ZNF91: variants seen among roughly 807,000 people sequenced by gnomAD.
The protein encoded by ZNF91 is zinc finger protein 91, also known as zinc finger protein 91 (HPF7, HTF10).
Under a neutral mutation model 12.6 loss-of-function variants are expected in ZNF91, and 7 were observed. That is an observed-to-expected ratio of 0.55 (90% CI 0.31 to 1.04). ZNF91 has a LOEUF of 1.04. ZNF91 is among the 50% of genes least tolerant of loss of function. The pLI is 0.05. For missense variants in ZNF91, 1,217 were observed against 1,385.4 expected (o/e 0.88, Z 1.93); for synonymous variants, 453 against 462.6 (o/e 0.98, Z 0.27).
intron 1 of ZNF91, chr19:23,328,415 G>A (rs1031858802): frequency 2.0e-5 from 3 of 152,160 alleles, no homozygotes; most frequent in Non-Finnish European, 2.9e-5. Flanking sequence ...GAGAACAGCT[G>A]GTACAAAAGC....
Position 23,322,656 on chromosome 19 carries a change from TCC to T in ZNF91, n.117-13561_117-13560del, listed in dbSNP as rs1355946358. Among the ~76,000 whole-genome samples the T allele has an allele frequency of 3.1e-4, 45 of 146,458 alleles. No homozygotes were observed. In the East Asian group the frequency reaches 7.6e-3, roughly 25 times the overall value. On this transcript the variant is annotated intron_variant and non_coding_transcript_variant, in intron 1 of 1. Transcript: ENST00000596528. Reference sequence around the variant, plus strand: ...AGTGATAACTTTTTTCTCCTCCTCCTCCTTTTTCCTCCTTTCCATCTCCTCCA... The same window carrying T: ...AGTGATAACTTTTTTCTCCTCCTCCTTTTTTCCTCCTTTCCATCTCCTCCA...
intron 1 of ZNF91, among the ~76,000 whole-genome samples, chr19:23,391,752 C>T (rs1488303391): frequency 1.3e-5 from 2 of 152,164 alleles, no homozygotes; most frequent in East Asian, 3.9e-4. Flanking sequence ...AGTATAGGGG[C>T]TTCTTCCATA....
intron 1 of ZNF91, among the ~76,000 whole-genome samples, chr19:23,315,842 AT>A (rs1294880239): frequency 6.6e-6 from 1 of 152,082 alleles, no homozygotes; most frequent in Non-Finnish European, 1.5e-5. Context: ...ATTGTAGGAA[AT>A]TTTTGTACCC....
At chr19:23,387,225 C>T (rs926487327) in intron 1 of ZNF91, among the ~76,000 whole-genome samples, 5 of 152,212 alleles carry the variant, frequency 3.3e-5, no homozygotes, top group South Asian at 4.1e-4. Context: ...TTGTAAAAAG[C>T]GGTGTGGCAA....
chr19:23,317,391 C>G (rs1967589746), intron 1 of ZNF91, among the ~76,000 whole-genome samples: 1 of 152,112 alleles, frequency 6.6e-6, no homozygotes, highest in Admixed American at 6.5e-5. Context: ...GGTGAGGATG[C>G]TCCTATTTGG....
At chr19:23,335,757 G>A (rs896406898), downstream of ZNF91, among the ~76,000 whole-genome samples, 6 of 152,196 alleles carry the variant, frequency 3.9e-5, no homozygotes, top group Admixed American at 2.0e-4. Flanking sequence ...GGAATTCCCC[G>A]ACCCCTTGCG....
downstream of ZNF91, among the ~76,000 whole-genome samples, chr19:23,356,661 GATC>G (rs1968494231): frequency 6.6e-6 from 1 of 152,206 alleles, no homozygotes; most frequent in East Asian, 1.9e-4. Flanking sequence ...GATGCACCAG[GATC>G]TCACAAATCA....
At chr19:23,391,435 A>C (rs903557654) in intron 1 of ZNF91, among the ~76,000 whole-genome samples, 15 of 151,962 alleles carry the variant, frequency 9.9e-5, no homozygotes, top group African/African-American at 3.6e-4. Flanking sequence ...TGATTTTATT[A>C]CCCTCTGTTT....
chr19:23,319,324 C>A (rs1967635040), intron 1 of ZNF91, among the ~76,000 whole-genome samples: 1 of 152,196 alleles, frequency 6.6e-6, no homozygotes, highest in African/African-American at 2.4e-5. Flanking sequence ...TCTGCATGAG[C>A]CCTGCCCATA....
At chr19:23,352,267 T>G (rs988234829) in intron 3 of ZNF91, among the ~76,000 whole-genome samples, 3 of 152,094 alleles carry the variant, frequency 2.0e-5, no homozygotes, top group Admixed American at 2.0e-4. Context: ...GACTGCCGGC[T>G]TTCCCCCACT....
At chr19:23,335,134 G>A (rs1298534717), downstream of ZNF91, among the ~76,000 whole-genome samples, 3 of 152,200 alleles carry the variant, frequency 2.0e-5, no homozygotes, top group African/African-American at 7.2e-5. Flanking sequence ...AGGCTGCAGA[G>A]CAACAGATAT....
intron 1 of ZNF91, among the ~76,000 whole-genome samples, chr19:23,376,311 G>A (rs1307766207): frequency 6.6e-6 from 1 of 151,968 alleles, no homozygotes; most frequent in African/African-American, 2.4e-5. Flanking sequence ...CATATAAGAA[G>A]CCATCATGCA....
In ZNF91 at chr19:23,359,387, TAA is replaced by T; in HGVS notation, c.*14_*15del. ...ACAGGCGCCCGCCACCACGCCCGGCTAATTTTTTGTATTTTTTAGTAGAGAAG... is the reference window on the plus strand; with the variant it reads ...ACAGGCGCCCGCCACCACGCCCGGCTTTTTTTGTATTTTTTAGTAGAGAAG... On this transcript the variant is annotated 3_prime_UTR_variant, in exon 4 of 4. Transcript: ENST00000300619. 1 of 906,432 alleles carries T rather than the reference TAA, an allele frequency of 1.1e-6. No individual in the cohort carries two copies. Among genetic ancestry groups the T allele is most frequent in the Non-Finnish European group, 1.7e-6 (1 of 596,004 alleles). The allele number at this position is 906,432 out of a possible 1,614,324, so 56.1% of individuals were successfully genotyped here. A position where few individuals can be genotyped will look rare whatever the true frequency, so the allele number is the denominator to read the frequency against.
intron 3 of ZNF91, among the ~76,000 whole-genome samples, chr19:23,349,312 T>C (rs891112878): frequency 2.0e-4 from 30 of 152,186 alleles, no homozygotes; most frequent in Non-Finnish European, 3.5e-4. Flanking sequence ...CAATATGTGA[T>C]GGCATCCCTG....
At chr19:23,371,542 T>G (rs1969279351) in intron 3 of ZNF91, among the ~76,000 whole-genome samples, 1 of 152,110 alleles carries the variant, frequency 6.6e-6, no homozygotes, top group South Asian at 2.1e-4. Context: ...TGTCTAAAAT[T>G]ATAATACATA....
chr19:23,305,626 CG>C (rs1967387133), intron 3 of ZNF91, among the ~76,000 whole-genome samples: 1 of 152,078 alleles, frequency 6.6e-6, no homozygotes, highest in Non-Finnish European at 1.5e-5. Flanking sequence ...TCCAGTCAGC[CG>C]ATATTTGAGC....
chr19:23,319,607 CT>C (rs1256087960), intron 1 of ZNF91, among the ~76,000 whole-genome samples: 37 of 152,336 alleles, frequency 2.4e-4, no homozygotes, highest in African/African-American at 7.0e-4. Flanking sequence ...TGTGACTCTT[CT>C]TTTCTGCCTG....
At chr19:23,323,592 T>C (rs1967761256) in intron 1 of ZNF91, among the ~76,000 whole-genome samples, 1 of 143,804 alleles carries the variant, frequency 7.0e-6, no homozygotes, top group African/African-American at 2.7e-5. Context: ...CCATCCTCCT[T>C]TTCCTTCTTT....
At chr19:23,309,788 C>T (rs1967445096) in intron 1 of ZNF91, among the ~76,000 whole-genome samples, 2 of 152,306 alleles carry the variant, frequency 1.3e-5, no homozygotes, top group South Asian at 2.1e-4. Flanking sequence ...GGTTACCACT[C>T]TCTCGCATAT....
Sources: allele counts gnomAD v4.1 joint callset (sites outside exome capture counted in the v4.1 genomes callset), GRCh38; gene constraint gnomAD v4.1.1; transcripts MANE v1.5; gene names NCBI Gene and HGNC (gene_info 2026-07-23, HGNC 2026-07-21).